The following EPHA6 variants were observed in gnomAD, a reference collection of about 807,000 sequenced individuals.
The protein encoded by EPHA6 is EPH receptor A6.
Under a neutral mutation model 112.0 loss-of-function variants are expected in EPHA6, and 50 were observed. That is an observed-to-expected ratio of 0.45 (90% confidence interval 0.36 to 0.56). The LOEUF is 0.56. EPHA6 is among the 20% of genes least tolerant of loss of function. The probability of loss-of-function intolerance (pLI) is 0.00; values close to 1 mark genes in which losing one functional copy is unlikely to be tolerated. For synonymous variants in EPHA6, 529 were observed against 490.7 expected (o/e 1.08, Z -1.03); for missense variants, 1,280 against 1,417.4 (o/e 0.90, Z 1.56).
chr3:97,319,821 A>G (rs1006277465), intron 5 of EPHA6, among the ~76,000 whole-genome samples: 7 of 152,024 alleles, frequency 4.6e-5, no homozygotes, highest in Admixed American at 2.0e-4. Context: ...TATATCTTTT[A>G]GGTAAAATTA....
At chr3:97,068,165 G>GAAA (rs75312712) in intron 3 of EPHA6, among the ~76,000 whole-genome samples, 1 of 69,620 alleles carries the variant, frequency 1.4e-5, no homozygotes, top group Admixed American at 1.9e-4. Context: ...AAAAAAAAAA[G>GAAA]AAAAAAAAAA....
intron 14 of EPHA6, among the ~76,000 whole-genome samples, chr3:97,693,764 C>T (rs533612454): frequency 9.0e-4 from 137 of 152,114 alleles, no homozygotes; most frequent in African/African-American, 1.2e-3. Flanking sequence ...GCCGAGATCG[C>T]GCCACTGCAC....
chr3:97,264,050 G>T (rs971863244), intron 5 of EPHA6, among the ~76,000 whole-genome samples: 24 of 152,176 alleles, frequency 1.6e-4, no homozygotes, highest in Non-Finnish European at 3.5e-4. Context: ...TTTCAGCTGT[G>T]CAGGTTATAC....
intron 2 of EPHA6, among the ~76,000 whole-genome samples, chr3:96,938,667 G>A (rs529032960): frequency 0.016 from 2,361 of 151,744 alleles, 60 homozygotes; most frequent in African/African-American, 0.048. Flanking sequence ...TGGTGAGAGA[G>A]GGCATCCCTG....
At chr3:97,691,374 G>A (rs536545291) in intron 14 of EPHA6, among the ~76,000 whole-genome samples, 1 of 152,252 alleles carries the variant, frequency 6.6e-6, no homozygotes, top group East Asian at 1.9e-4. Context: ...CTGTTAATAT[G>A]AGCTCACTAG....
intron 2 of EPHA6, among the ~76,000 whole-genome samples, chr3:96,958,601 A>G (rs972144264): frequency 6.6e-6 from 1 of 152,152 alleles, no homozygotes; most frequent in African/African-American, 2.4e-5. Flanking sequence ...ATATCACCCC[A>G]CAGAACCTCT....
At chr3:97,742,409 G>C (rs1436231449) in intron 16 of EPHA6, among the ~76,000 whole-genome samples, 1 of 152,094 alleles carries the variant, frequency 6.6e-6, no homozygotes, top group Non-Finnish European at 1.5e-5. Flanking sequence ...TTCTTTATAA[G>C]TATTATCCCT....
In EPHA6 at chr3:97,299,418, G is replaced by A. The variant is rs182937248; in HGVS notation, c.1606+55131G>A. ...GATGCTCCAAGGATTAAAGAGCATC[G>A]CTTTGCCTAAAACTGGCCCAAAAGG... On this transcript the variant is annotated intron_variant, in intron 5 of 17. Coordinates refer to ENST00000389672, the MANE Select transcript of EPHA6 (RefSeq NM_001080448.3). Among the ~76,000 whole-genome samples, 58 of 152,208 alleles carry A rather than the reference G, an allele frequency of 3.8e-4. No homozygotes were observed. In the East Asian group the frequency reaches 9.8e-3, roughly 26 times the overall value.
intron 3 of EPHA6, among the ~76,000 whole-genome samples, chr3:97,032,304 G>T (rs2044888789): frequency 6.6e-6 from 1 of 151,988 alleles, no homozygotes; most frequent in South Asian, 2.1e-4. Context: ...GTTGTGGGGT[G>T]GGAGAAGAGG....
intron 2 of EPHA6, among the ~76,000 whole-genome samples, chr3:96,895,723 G>A (rs971054408): frequency 6.6e-6 from 1 of 152,114 alleles, no homozygotes; most frequent in Admixed American, 6.5e-5. Flanking sequence ...TGTTACAATA[G>A]CCCAGAGTAT....
intron 3 of EPHA6, among the ~76,000 whole-genome samples, chr3:97,085,942 TATATATAC>T (rs1217834786): frequency 9.6e-5 from 14 of 145,564 alleles, no homozygotes; most frequent in African/African-American, 1.9e-4. Context: ...TATATATATA[TATATATAC>T]ACACTGAGAT....
At chr3:97,255,479 C>G (rs1361396322) in intron 5 of EPHA6, among the ~76,000 whole-genome samples, 1 of 152,120 alleles carries the variant, frequency 6.6e-6, no homozygotes, top group Non-Finnish European at 1.5e-5. Flanking sequence ...ATTTGCCACT[C>G]AAACCCTCAA....
chr3:97,167,432 T>C (rs2076568262), intron 3 of EPHA6, among the ~76,000 whole-genome samples: 1 of 152,154 alleles, frequency 6.6e-6, no homozygotes. Flanking sequence ...ATTTCTATGT[T>C]TTCAGCCTCC....
intron 2 of EPHA6, among the ~76,000 whole-genome samples, chr3:96,924,900 T>G (rs572015350): frequency 6.6e-6 from 1 of 152,294 alleles, no homozygotes; most frequent in South Asian, 2.1e-4. Context: ...AATCGTGGTT[T>G]TTGTCTTTAG....
intron 11 of EPHA6, among the ~76,000 whole-genome samples, chr3:97,551,399 A>G (rs1354006382): frequency 6.6e-6 from 1 of 152,306 alleles, no homozygotes; most frequent in East Asian, 1.9e-4. Flanking sequence ...GGGTTATATC[A>G]ATCACTGTTG....
chr3:97,380,982 A>C (rs1429836158), intron 5 of EPHA6, among the ~76,000 whole-genome samples: 2 of 151,962 alleles, frequency 1.3e-5, no homozygotes, highest in Non-Finnish European at 2.9e-5. Flanking sequence ...TTTTCTCTTA[A>C]ATCTAGTCAA....
chr3:97,355,132 AAAGAAGAGGACATTAAGAAGCAAT>A lies in EPHA6; in HGVS notation c.1607-50012_1607-49989del, dbSNP rs1325721034. 2.0e-5 allele frequency among the ~76,000 whole-genome samples: 3 copies of A among 152,326 alleles called. No homozygotes were observed. In the East Asian group the frequency reaches 5.8e-4, roughly 29 times the overall value. ...ATGGTAAAGAGAGTTCTTCAGTCTAAAAGAAGAGGACATTAAGAAGCAATAAGAAATCACCTGAAGGTACAAGAC... is the reference window on the plus strand; with the variant it reads ...ATGGTAAAGAGAGTTCTTCAGTCTAAAAGAAATCACCTGAAGGTACAAGAC... On this transcript the variant is annotated intron_variant, in intron 5 of 17. Coordinates refer to ENST00000389672, the MANE Select transcript of EPHA6 (RefSeq NM_001080448.3).
chr3:96,814,634 C>T lies in EPHA6; in HGVS notation c.11C>T (p.Pro4Leu), dbSNP rs780096805. The T allele has an allele frequency of 8.8e-6, 13 of 1,470,292 alleles. No homozygotes were observed. Among genetic ancestry groups the T allele is most frequent in the South Asian group, 1.5e-5 (1 of 68,494 alleles). The allele number at this position is 1,470,292 out of a possible 1,614,324, so 91.1% of individuals were successfully genotyped here. A position where few individuals can be genotyped will look rare whatever the true frequency, so the allele number is the denominator to read the frequency against. ...GGGACACTGTGGTGGATGCAATTCC[C>T]CTCGCCTCCAGCCGCGAGGAGCTCC... Reference protein sequence around the residue: MQFPSPPAARSSPA... With the variant: MQFLSPPAARSSPA... The change falls in exon 1 of 18, where the codon CCC (proline) becomes CTC (leucine). Residue 4 changes from proline to leucine, a missense_variant. This residue lies in a region of EPHA6 where 220 missense variants were observed against 171.5 expected (regional missense o/e 1.28). Transcript: ENST00000389672.
intron 3 of EPHA6, among the ~76,000 whole-genome samples, chr3:97,084,650 A>G (rs1053571108): frequency 6.6e-6 from 1 of 152,098 alleles, no homozygotes; most frequent in Non-Finnish European, 1.5e-5. Flanking sequence ...CCTATTTACA[A>G]TAGCCACAAA....
Sources: gnomAD v4.1 joint callset for allele counts (sites outside exome capture counted in the v4.1 genomes callset) on GRCh38, gnomAD v4.1.1 for gene constraint, gnomAD v4.1.1 regional missense constraint, MANE v1.5 for transcripts, NCBI Gene and HGNC (gene_info 2026-07-23, HGNC 2026-07-21) for gene names.